Variants in ZBTB16 observed in about 807,000 individuals in gnomAD.
ZBTB16 encodes the protein zinc finger and BTB domain-containing protein 16.
In ZBTB16, 8 loss-of-function variants were observed where a neutral mutation model predicts 56.8. The observed-to-expected ratio is 0.14, with a 90% CI of 0.08 to 0.25. The LOEUF (loss-of-function observed/expected upper bound fraction) is 0.25, where lower values mean the gene tolerates loss of function less well. Ranked by LOEUF, ZBTB16 falls within the 10% of genes least tolerant of loss-of-function variation. ZBTB16 has a pLI of 1.00. For synonymous variants in ZBTB16, 363 were observed against 368.5 expected, an observed-to-expected ratio of 0.98 and a Z score of 0.17; for missense variants, 625 against 903.0, an observed-to-expected ratio of 0.69 and a Z score of 3.95.
chr11:114,127,398 CT>C (rs1941537125), intron 2 of ZBTB16, among the ~76,000 whole-genome samples: 1 of 152,122 alleles, frequency 6.6e-6, no homozygotes, highest in Non-Finnish European at 1.5e-5. Context: ...GGGAGCAGAA[CT>C]CTGTATTAAA....
Position 114,210,192 on chromosome 11 carries a change from T to TGCAC in ZBTB16, c.1453+23156_1453+23157insACGC, listed in dbSNP as rs1555155979. 2.6e-3 allele frequency among the ~76,000 whole-genome samples: 366 copies of TGCAC among 143,340 alleles called. 1 individual carries two copies. The highest frequency in any genetic ancestry group is 8.1e-3 in the African/African-American group (318 of 39,490). The allele number at this position is 143,340 out of a possible 152,430, so 94.0% of individuals were successfully genotyped here. ...GTGTGTGTGTGTGTGTGTGTGTGTG[T>TGCAC]GCGTGCGCGCGCGTGCACAGTTTGT... On this transcript the variant is annotated intron_variant, in intron 4 of 6. Transcript: ENST00000335953.
At chr11:114,191,602 T>C (rs952082626) in intron 4 of ZBTB16, among the ~76,000 whole-genome samples, 2 of 152,222 alleles carry the variant, frequency 1.3e-5, no homozygotes, top group Non-Finnish European at 2.9e-5. Flanking sequence ...GCCTGCACAT[T>C]GACTGAGTGT....
intron 4 of ZBTB16, among the ~76,000 whole-genome samples, chr11:114,197,631 G>T (rs1235304762): frequency 6.7e-6 from 1 of 148,648 alleles, no homozygotes; most frequent in East Asian, 2.0e-4. Context: ...AGAAAATGAA[G>T]TCCTTGTTTG....
intron 4 of ZBTB16, 162 bp downstream of exon 4, chr11:114,187,200 G>T: frequency 1.4e-6 from 1 of 734,352 alleles, no homozygotes; most frequent in South Asian, 1.5e-5. Flanking sequence ...AGCTACTCTT[G>T]TCTGTGTGGC....
intron 2 of ZBTB16, among the ~76,000 whole-genome samples, chr11:114,155,585 A>G (rs755291864): frequency 6.6e-6 from 1 of 152,192 alleles, no homozygotes; most frequent in Non-Finnish European, 1.5e-5. Context: ...AATCACAGTA[A>G]TGGCAAAATG....
At chr11:114,205,409 C>CAA (rs771668577) in intron 4 of ZBTB16, among the ~76,000 whole-genome samples, 23 of 95,156 alleles carry the variant, frequency 2.4e-4, no homozygotes, top group African/African-American at 8.3e-4. Flanking sequence ...GACTCCGTCT[C>CAA]AAAAAAAAAA....
intron 3 of ZBTB16, among the ~76,000 whole-genome samples, chr11:114,185,823 A>G (rs1287918778): frequency 6.6e-6 from 1 of 152,246 alleles, no homozygotes; most frequent in Non-Finnish European, 1.5e-5. Flanking sequence ...AGCCAGTGAT[A>G]AAAAGTACTG....
intron 3 of ZBTB16, among the ~76,000 whole-genome samples, chr11:114,186,462 A>G (rs1180821344): frequency 2.0e-5 from 3 of 152,106 alleles, no homozygotes; most frequent in Non-Finnish European, 4.4e-5. Context: ...AAATGGTCAG[A>G]TGCAGGTGGC....
intron 6 of ZBTB16, among the ~76,000 whole-genome samples, chr11:114,248,890 T>G (rs1944864174): frequency 6.6e-6 from 1 of 152,200 alleles, no homozygotes; most frequent in Admixed American, 6.5e-5. Context: ...TGGTCGATAG[T>G]TAGATCACTT....
intron 4 of ZBTB16, among the ~76,000 whole-genome samples, chr11:114,202,033 G>A (rs886974895): frequency 6.6e-6 from 1 of 152,236 alleles, no homozygotes; most frequent in Middle Eastern, 3.2e-3. Flanking sequence ...CACACTGGCA[G>A]GTGCCTCAGT....
Position 114,187,595 on chromosome 11 carries a change from C to T in ZBTB16, c.1453+557C>T, listed in dbSNP as rs139728886. On this transcript the variant is annotated intron_variant, in intron 4 of 6. Transcript: ENST00000335953. ...GTCATCTGATCATTGTGATCAGAGT[C>T]GTTGTCATCACATCATCACAGCAGC... 1.0e-2 allele frequency: 1,754 copies of T among 175,672 alleles called. 82 individuals are homozygous for T. Among genetic ancestry groups the T allele is most frequent in the Admixed American group, 0.086 (1,560 of 18,106 alleles). The allele number at this position is 175,672 out of a possible 1,614,324, so 10.9% of individuals were successfully genotyped here. A position where few individuals can be genotyped will look rare whatever the true frequency, so the allele number is the denominator to read the frequency against.
rs1445437934 is a variant in ZBTB16 at position 114,241,943 on chromosome 11, C to T, written c.1454-224C>T. Among the ~76,000 whole-genome samples the T allele has an allele frequency of 2.6e-5, 4 of 152,158 alleles. No individual in the cohort carries two copies. The South Asian group carries it at 6.2e-4, about 24-fold the overall frequency. ...GCGATGTATTTGATCAATGTCTATCCTTTAGCTTTAGCTTCCAGAGCTCGG... is the reference window on the plus strand; with the variant it reads ...GCGATGTATTTGATCAATGTCTATCTTTTAGCTTTAGCTTCCAGAGCTCGG... On this transcript the variant is annotated intron_variant, in intron 4 of 6. Coordinates refer to ENST00000335953, the MANE Select transcript of ZBTB16 (RefSeq NM_006006.6).
Position 114,189,162 on chromosome 11 carries a change from A to G in ZBTB16, c.1453+2124A>G, listed in dbSNP as rs1943433617. 3 of 152,256 alleles carry G rather than the reference A, an allele frequency of 2.0e-5. No individual in the cohort carries two copies. The South Asian group carries it at 6.2e-4, about 32-fold the overall frequency. The allele number at this position is 152,256 out of a possible 1,614,324, so 9.4% of individuals were successfully genotyped here. ...GTGCTGAGTCCTTTGGAGGGTGACA[A>G]AATATTTGCAAATCATATATTTGAT... On this transcript the variant is annotated intron_variant, in intron 4 of 6. Coordinates refer to ENST00000335953, the MANE Select transcript of ZBTB16 (RefSeq NM_006006.6).
Position 114,254,248 on chromosome 11 carries a change from TGGA to T in ZBTB16, c.*3702_*3704del, listed in dbSNP as rs1289193690. ...ATATCATTGCTGCTTTGGGCTGCTT[TGGA>T]GGAGGAGGCCATGAATATGGGGAAG... is the stretch of plus-strand genomic sequence containing the variant. On this transcript the variant is annotated 3_prime_UTR_variant, in exon 7 of 7. Coordinates refer to ENST00000335953, the MANE Select transcript of ZBTB16 (RefSeq NM_006006.6). Among the ~76,000 whole-genome samples, 1 of 151,974 alleles carries T rather than the reference TGGA, an allele frequency of 6.6e-6. No individual in the cohort carries two copies. Among genetic ancestry groups the T allele is most frequent in the African/African-American group, 2.4e-5 (1 of 41,346 alleles).
intron 2 of ZBTB16, among the ~76,000 whole-genome samples, chr11:114,071,430 G>A (rs1939345229): frequency 6.6e-6 from 1 of 152,082 alleles, no homozygotes; most frequent in Admixed American, 6.5e-5. Flanking sequence ...GGATGGAGCC[G>A]CTAATTGCTG....
intron 2 of ZBTB16, among the ~76,000 whole-genome samples, chr11:114,151,624 G>A (rs1033019314): frequency 1.3e-5 from 2 of 152,198 alleles, no homozygotes; most frequent in Non-Finnish European, 2.9e-5. Context: ...TCCAACTTGA[G>A]CATTTGCCCC....
chr11:114,083,474 C>T (rs774283277), intron 2 of ZBTB16, among the ~76,000 whole-genome samples: 3 of 152,264 alleles, frequency 2.0e-5, no homozygotes, highest in South Asian at 2.1e-4. Flanking sequence ...TCCAGGGGGC[C>T]GTGGTAGAAC....
chr11:114,223,411 G>A (rs1406410288), intron 4 of ZBTB16, among the ~76,000 whole-genome samples: 2 of 152,208 alleles, frequency 1.3e-5, no homozygotes, highest in Non-Finnish European at 2.9e-5. Context: ...GCTTGAGAGA[G>A]GAGAGTAAGC....
At chr11:114,231,528 C>A (rs191015590) in intron 4 of ZBTB16, among the ~76,000 whole-genome samples, 140 of 152,244 alleles carry the variant, frequency 9.2e-4, no homozygotes, top group Middle Eastern at 3.4e-3. Flanking sequence ...AACTGGTAGT[C>A]CCCTAGAAAA....
Sources: allele counts gnomAD v4.1 joint callset (sites outside exome capture counted in the v4.1 genomes callset), GRCh38; gene constraint gnomAD v4.1.1; transcripts MANE v1.5; gene names NCBI Gene and HGNC (gene_info 2026-07-23, HGNC 2026-07-21).